Variants in GABRG3 observed in about 807,000 individuals in gnomAD.
GABRG3 encodes gamma-aminobutyric acid receptor subunit gamma-3.
GABRG3 carries 25 observed loss-of-function variants against 48.8 expected under a neutral mutation model. The ratio of observed to expected loss-of-function variants is 0.51; its 90% CI spans 0.37 to 0.72. The LOEUF (loss-of-function observed/expected upper bound fraction) is 0.72. Ranked by LOEUF, GABRG3 falls within the 30% of genes least tolerant of loss-of-function variation. GABRG3 has a pLI of 0.00. For synonymous variants in GABRG3, 227 were observed against 217.6 expected, an observed-to-expected ratio of 1.04 and a Z score of -0.38; for missense variants, 394 against 577.9, an observed-to-expected ratio of 0.68 and a Z score of 3.26.
intron 5 of GABRG3, among the ~76,000 whole-genome samples, chr15:27,432,961 A>T (rs928062958): frequency 2.0e-5 from 3 of 152,166 alleles, no homozygotes; most frequent in African/African-American, 7.2e-5. Context: ...GTTTCCAAGA[A>T]CATGTTCTTC....
At chr15:27,421,860 A>G (rs545907185) in intron 5 of GABRG3, among the ~76,000 whole-genome samples, 124 of 151,556 alleles carry the variant, frequency 8.2e-4, no homozygotes, top group African/African-American at 3.0e-3. Context: ...GTTCTAAGAT[A>G]TCCATGGGAG....
intron 5 of GABRG3, among the ~76,000 whole-genome samples, chr15:27,461,514 C>G (rs1392520272): frequency 6.6e-6 from 1 of 152,122 alleles, no homozygotes; most frequent in Non-Finnish European, 1.5e-5. Context: ...AGAGTTATTG[C>G]GAAGAGAAAC....
chr15:27,003,953 T>A (rs1451266172), intron 2 of GABRG3, among the ~76,000 whole-genome samples: 9 of 119,290 alleles, frequency 7.5e-5, no homozygotes, highest in African/African-American at 2.5e-4. Context: ...CCTCACCTCC[T>A]GGACGGGGCG....
chr15:27,016,753 G>T (rs781617672), intron 2 of GABRG3, among the ~76,000 whole-genome samples: 4 of 151,882 alleles, frequency 2.6e-5, no homozygotes, highest in Non-Finnish European at 5.9e-5. Flanking sequence ...ACACTCTACC[G>T]TAAGTCCCTT....
intron 3 of GABRG3, chr15:27,271,412 C>A (rs1037116436): frequency 2.6e-6 from 1 of 379,788 alleles, no homozygotes; most frequent in South Asian, 1.9e-5. Context: ...CAGGGAGCTG[C>A]GCAAGCTGGT....
rs752781878 is a variant in GABRG3 at position 27,532,592 on chromosome 15, G to C, written c.1123-8G>C. Reference sequence around the variant, plus strand: ...CAATGGTTGTTGTGTCATTTTTGTTGCTTGCAGAACTATTCCCTCCTGGAC... The same window carrying C: ...CAATGGTTGTTGTGTCATTTTTGTTCCTTGCAGAACTATTCCCTCCTGGAC... On this transcript the variant is annotated splice_polypyrimidine_tract_variant and splice_region_variant and intron_variant, in intron 9 of 9. Transcript: ENST00000615808. The C allele has an allele frequency of 6.2e-7, 1 of 1,610,532 alleles. No individual in the cohort carries two copies. Among genetic ancestry groups the C allele is most frequent in the Non-Finnish European group, 8.5e-7 (1 of 1,177,976 alleles).
chr15:27,291,492 A>G (rs1344341634), intron 3 of GABRG3, among the ~76,000 whole-genome samples: 4 of 152,226 alleles, frequency 2.6e-5, no homozygotes, highest in African/African-American at 7.2e-5. Flanking sequence ...CACTCCCCAT[A>G]TAACTGAGTC....
chr15:27,541,624 C>G lies in GABRG3; in HGVS notation c.*8743C>G, dbSNP rs1419519983. The G allele has an allele frequency of 6.6e-6, 1 of 152,318 alleles. No homozygotes were observed. The highest frequency in any genetic ancestry group is 1.5e-5 in the Non-Finnish European group (1 of 68,124). 9.4% of individuals were successfully genotyped at this position (152,318 alleles called of 1,614,324 possible). ...GGGCCGCGCCCTGCCCCAGTGCGTG[C>G]GCCTCCTGCCCCAGCAGGGACCCGC... On this transcript the variant is annotated 3_prime_UTR_variant, in exon 10 of 10. Transcript: ENST00000615808.
At chr15:27,158,644 T>G (rs761898484) in intron 3 of GABRG3, among the ~76,000 whole-genome samples, 2 of 152,208 alleles carry the variant, frequency 1.3e-5, no homozygotes, top group Non-Finnish European at 2.9e-5. Context: ...ATGAGTTTCT[T>G]TTTAAATAAT....
chr15:27,045,176 T>G (rs1020105310), intron 3 of GABRG3, among the ~76,000 whole-genome samples: 2 of 152,184 alleles, frequency 1.3e-5, no homozygotes, highest in Non-Finnish European at 2.9e-5. Flanking sequence ...TAAAGGAGCA[T>G]GGCCTAGATC....
chr15:27,075,452 T>TG (rs1896894879), intron 3 of GABRG3, among the ~76,000 whole-genome samples: 1 of 152,216 alleles, frequency 6.6e-6, no homozygotes, highest in African/African-American at 2.4e-5. Context: ...TGCTGGACTA[T>TG]GCAATGAATA....
intron 3 of GABRG3, among the ~76,000 whole-genome samples, chr15:27,144,663 G>A (rs1898165851): frequency 6.6e-6 from 1 of 152,294 alleles, no homozygotes; most frequent in Non-Finnish European, 1.5e-5. Flanking sequence ...CACATATATG[G>A]CATATGTGCA....
At chr15:27,170,710 C>T (rs1887539958) in intron 3 of GABRG3, among the ~76,000 whole-genome samples, 1 of 152,136 alleles carries the variant, frequency 6.6e-6, no homozygotes, top group African/African-American at 2.4e-5. Flanking sequence ...GAGAACATGA[C>T]AGTGGAGGTG....
At chr15:27,412,287 G>C (rs1020607067) in intron 5 of GABRG3, among the ~76,000 whole-genome samples, 3 of 152,032 alleles carry the variant, frequency 2.0e-5, no homozygotes, top group African/African-American at 7.2e-5. Context: ...TCAAGACACA[G>C]AACATTTCCA....
chr15:27,064,196 A>G (rs1896698967), intron 3 of GABRG3, among the ~76,000 whole-genome samples: 1 of 152,166 alleles, frequency 6.6e-6, no homozygotes, highest in Admixed American at 6.5e-5. Context: ...GCAGGGTGGA[A>G]AACATGCTTT....
intron 3 of GABRG3, among the ~76,000 whole-genome samples, chr15:27,083,879 C>T (rs1486904358): frequency 6.6e-6 from 1 of 152,212 alleles, no homozygotes; most frequent in Non-Finnish European, 1.5e-5. Context: ...TATATTTCTT[C>T]AATAAGCCTC....
At chr15:27,454,545 A>C (rs1889206489) in intron 5 of GABRG3, among the ~76,000 whole-genome samples, 1 of 152,182 alleles carries the variant, frequency 6.6e-6, no homozygotes, top group South Asian at 2.1e-4. Flanking sequence ...AAGGCGCCTC[A>C]TGACTCAGTA....
At chr15:26,993,658 GA>G (rs1394654817) in intron 2 of GABRG3, among the ~76,000 whole-genome samples, 1 of 152,004 alleles carries the variant, frequency 6.6e-6, no homozygotes, top group Non-Finnish European at 1.5e-5. Flanking sequence ...GTGTTGAGGA[GA>G]AAAATGTGTT....
At chr15:27,252,020 T>C (rs1890472584) in intron 3 of GABRG3, among the ~76,000 whole-genome samples, 1 of 152,208 alleles carries the variant, frequency 6.6e-6, no homozygotes, top group Admixed American at 6.5e-5. Context: ...AGTGCAGATG[T>C]GCCCGCTGGA....
Sources: gnomAD v4.1 joint callset for allele counts (sites outside exome capture counted in the v4.1 genomes callset) on GRCh38, gnomAD v4.1.1 for gene constraint, MANE v1.5 for transcripts, NCBI Gene and HGNC (gene_info 2026-07-23, HGNC 2026-07-21) for gene names.